The following LRRK1 variants were observed in gnomAD, a reference collection of about 807,000 sequenced individuals.
LRRK1 encodes the protein leucine-rich repeat serine/threonine-protein kinase 1.
In LRRK1, 113 loss-of-function variants were observed where a neutral mutation model predicts 209.1. That is an observed-to-expected ratio of 0.54 (90% CI 0.46 to 0.63). The LOEUF is 0.63. LRRK1 is among the 30% of genes least tolerant of loss of function. The probability of loss-of-function intolerance (pLI) is 0.00; values close to 1 mark genes in which losing one functional copy is unlikely to be tolerated. For missense variants in LRRK1, 2,284 were observed against 2,632.2 expected, an observed-to-expected ratio of 0.87 and a Z score of 2.89; for synonymous variants, 1,144 against 1,099.7, an observed-to-expected ratio of 1.04 and a Z score of -0.80.
In LRRK1 at chr15:101,029,024, C is replaced by G; in HGVS notation, c.2755C>G (p.Leu919Val). The change falls in exon 20 of 34, where the codon CTC becomes GTC. Residue 919 changes from leucine to valine, a missense_variant. By Grantham distance (32) the Leu-to-Val change is conservative. Around this residue, in one of 6 missense-constraint regions of LRRK1, gnomAD observed 780 missense variants for 985.2 expected, o/e 0.79. Transcript: ENST00000388948. The part of the protein sequence containing the change: ...FPDTSHGLRN[L>V]YFLDPIWLSE... Reference sequence around the variant, plus strand: ...GGACACCAGCCACGGCCTGAGGAACCTCTACTTCCTCGACCCTATTTGGCT... The same window carrying G: ...GGACACCAGCCACGGCCTGAGGAACGTCTACTTCCTCGACCCTATTTGGCT... 6.2e-7 allele frequency: 1 copy of G among 1,614,140 alleles called. No homozygotes were observed. Among genetic ancestry groups the G allele is most frequent in the Non-Finnish European group, 8.5e-7 (1 of 1,179,988 alleles).
At chr15:100,964,524 C>T (rs974730335) in intron 2 of LRRK1, among the ~76,000 whole-genome samples, 3 of 152,174 alleles carry the variant, frequency 2.0e-5, no homozygotes, top group African/African-American at 4.8e-5. Flanking sequence ...ACAGGAAGGT[C>T]GTTAAACAAC....
chr15:100,989,967 A>G (rs1464301577), intron 6 of LRRK1, among the ~76,000 whole-genome samples: 1 of 152,078 alleles, frequency 6.6e-6, no homozygotes, highest in Non-Finnish European at 1.5e-5. Context: ...TACTAAAGTT[A>G]TGAATGATTG....
chr15:100,937,075 G>T (rs150274733), intron 2 of LRRK1, among the ~76,000 whole-genome samples: 9 of 152,196 alleles, frequency 5.9e-5, no homozygotes, highest in African/African-American at 2.2e-4. Flanking sequence ...GTCTTTAAAG[G>T]TTATAGGTTT....
At chr15:101,054,165 G>A (rs1013110839) in intron 26 of LRRK1, among the ~76,000 whole-genome samples, 6 of 152,094 alleles carry the variant, frequency 3.9e-5, no homozygotes, top group African/African-American at 1.4e-4. Flanking sequence ...TGTAGAGATG[G>A]CCTTTCACCC....
rs1370978141 is a variant in LRRK1, at chr15:101,073,268, CG to C, written c.*4422del. On this transcript the variant is annotated 3_prime_UTR_variant, in exon 34 of 34. Transcript: ENST00000388948. ...GGACCCAAAACTCCAGCGCCGGTCACGGACTGGGAAGGCAGCCTTCCCTTGG... is the reference window on the plus strand; with the variant it reads ...GGACCCAAAACTCCAGCGCCGGTCACGACTGGGAAGGCAGCCTTCCCTTGG... 6.6e-6 allele frequency: 1 copy of C among 152,342 alleles called. No homozygotes were observed. Among genetic ancestry groups the C allele is most frequent in the Non-Finnish European group, 1.5e-5 (1 of 68,116 alleles). 9.4% of individuals were successfully genotyped at this position (152,342 alleles called of 1,614,324 possible).
chr15:101,020,984 AC>A, intron 12 of LRRK1, 68 bp from the exon 13 acceptor site: 1 of 1,589,280 alleles, frequency 6.3e-7, no homozygotes, highest in Non-Finnish European at 8.6e-7. Context: ...TTATACGCCC[AC>A]CTGGTCACCA....
intron 4 of LRRK1, among the ~76,000 whole-genome samples, chr15:100,984,410 C>A (rs1205154391): frequency 6.6e-6 from 1 of 152,212 alleles, no homozygotes; most frequent in African/African-American, 2.4e-5. Flanking sequence ...ACGTGTCCAT[C>A]ATGACAGTAT....
chr15:100,940,544 T>C lies in LRRK1; in HGVS notation c.97+15815T>C, dbSNP rs112362077. Among the ~76,000 whole-genome samples, 194 of 152,320 alleles carry C rather than the reference T, an allele frequency of 1.3e-3. 3 individuals are homozygous for C. Among genetic ancestry groups the C allele is most frequent in the African/African-American group, 4.6e-3 (191 of 41,576 alleles). On this transcript the variant is annotated intron_variant, in intron 2 of 33. Transcript: ENST00000388948. ...TTCAACGGTGTCTCTGCTCTGCAGC[T>C]CACCCACTGTGCTTCACAGTGCAAC...
chr15:100,933,971 G>A (rs2042252531), intron 2 of LRRK1, among the ~76,000 whole-genome samples: 1 of 150,418 alleles, frequency 6.6e-6, no homozygotes, highest in Non-Finnish European at 1.5e-5. Context: ...TTGTGCTCCT[G>A]TGTTTTGTAC....
chr15:100,931,336 C>T (rs2042207730), intron 2 of LRRK1, among the ~76,000 whole-genome samples: 1 of 152,166 alleles, frequency 6.6e-6, no homozygotes, highest in Non-Finnish European at 1.5e-5. Flanking sequence ...CCTACCTGGT[C>T]GTTTCAGGAG....
chr15:100,940,495 G>A (rs577604241), intron 2 of LRRK1, among the ~76,000 whole-genome samples: 25 of 152,100 alleles, frequency 1.6e-4, no homozygotes, highest in Non-Finnish European at 3.2e-4. Context: ...CCTCCTCTTG[G>A]TCTTCCAGAT....
intron 33 of LRRK1, 136 bp from the exon 34 acceptor site, chr15:101,068,535 C>A: frequency 1.2e-6 from 1 of 868,342 alleles, no homozygotes; most frequent in Non-Finnish European, 1.7e-6. Context: ...CAGCACACCC[C>A]AGAGAGGGCT....
At chr15:101,015,193 C>T (rs1015089307) in intron 11 of LRRK1, 133 bp from the exon 12 acceptor site, 10 of 677,036 alleles carry the variant, frequency 1.5e-5, no homozygotes, top group South Asian at 3.6e-5. Context: ...CTGCAGCGTG[C>T]GCCCCTGCCA....
At chr15:101,060,520 T>G (rs1290101845) in intron 29 of LRRK1, among the ~76,000 whole-genome samples, 1 of 152,248 alleles carries the variant, frequency 6.6e-6, no homozygotes, top group African/African-American at 2.4e-5. Flanking sequence ...CAGGAGAAAC[T>G]TTATATTGAG....
At chr15:100,928,522 A>G (rs573231922) in intron 2 of LRRK1, among the ~76,000 whole-genome samples, 21 of 152,198 alleles carry the variant, frequency 1.4e-4, no homozygotes, top group Non-Finnish European at 2.6e-4. Flanking sequence ...AAGGAAAACT[A>G]ACGACACTCA....
chr15:101,062,800 CT>C (rs762082008), intron 31 of LRRK1, 110 bp downstream of exon 31: 1 of 795,140 alleles, frequency 1.3e-6, no homozygotes, highest in Non-Finnish European at 2.2e-6. Context: ...CTAGGACCAC[CT>C]GGCCTAGGAC....
chr15:100,964,971 C>G (rs1650075291), intron 2 of LRRK1, among the ~76,000 whole-genome samples: 1 of 152,056 alleles, frequency 6.6e-6, no homozygotes, highest in Non-Finnish European at 1.5e-5. Context: ...AATTATTGCT[C>G]TGGAACAAAA....
intron 2 of LRRK1, among the ~76,000 whole-genome samples, chr15:100,950,829 C>T (rs71414363): frequency 4.3e-4 from 66 of 152,358 alleles, no homozygotes; most frequent in Non-Finnish European, 7.9e-4. Flanking sequence ...GCAGGCCGGG[C>T]GCGGTGGCTC....
At position 100,978,768 on chromosome 15, in the gene LRRK1, C is replaced by CA. The variant is rs1281156647; in HGVS notation, c.262-4754dup. On this transcript the variant is annotated intron_variant, in intron 3 of 33. Coordinates refer to ENST00000388948, the MANE Select transcript of LRRK1 (RefSeq NM_024652.6). ...TTCAATTCATAATTTTAAACTTCCC[C>CA]AAAAAATAAATTTACAGGTTCAGAT... is the stretch of plus-strand genomic sequence containing the variant. Among the ~76,000 whole-genome samples the CA allele has an allele frequency of 5.9e-5, 9 of 152,180 alleles. No individual in the cohort carries two copies. The South Asian group carries it at 1.7e-3, about 28-fold the overall frequency.
Sources: gnomAD v4.1 joint callset for allele counts (sites outside exome capture counted in the v4.1 genomes callset) on GRCh38, gnomAD v4.1.1 for gene constraint, gnomAD v4.1.1 regional missense constraint, MANE v1.5 for transcripts, NCBI Gene and HGNC (gene_info 2026-07-23, HGNC 2026-07-21) for gene names.